Variants in FHIT observed in about 807,000 individuals in gnomAD.
The protein encoded by FHIT is fragile histidine triad diadenosine triphosphatase.
Under a neutral mutation model 17.9 loss-of-function variants are expected in FHIT, and 19 were observed. The observed-to-expected ratio is 1.06, with a 90% CI of 0.74 to 1.56. The LOEUF is 1.56. FHIT is among the 40% of genes most tolerant of loss of function. The probability of loss-of-function intolerance (pLI) is 0.00; values close to 1 mark genes in which losing one functional copy is unlikely to be tolerated. For missense variants in FHIT, 248 were observed against 189.2 expected (o/e 1.31, Z -1.82); for synonymous variants, 81 against 69.7 (o/e 1.16, Z -0.81).
intron 5 of FHIT, among the ~76,000 whole-genome samples, chr3:60,371,032 T>G (rs1015130432): frequency 6.6e-6 from 1 of 152,174 alleles, no homozygotes; most frequent in African/African-American, 2.4e-5. Context: ...CCTAAGCCGT[T>G]TGCACAAGGC....
chr3:60,633,576 C>T (rs1381545229), intron 4 of FHIT, among the ~76,000 whole-genome samples: 1 of 152,080 alleles, frequency 6.6e-6, no homozygotes, highest in Non-Finnish European at 1.5e-5. Context: ...ATATAAGGAG[C>T]CAAATAAAAG....
chr3:61,218,853 C>G (rs1187986252), intron 1 of FHIT, among the ~76,000 whole-genome samples: 1 of 152,172 alleles, frequency 6.6e-6, no homozygotes, highest in Non-Finnish European at 1.5e-5. Context: ...ACCAACCCCA[C>G]CTTACTCACA....
chr3:60,654,126 C>CCCCTCT (rs71092624), intron 4 of FHIT, among the ~76,000 whole-genome samples: 2 of 151,642 alleles, frequency 1.3e-5, no homozygotes, highest in Admixed American at 6.6e-5. Context: ...CTTCCCCTTC[C>CCCCTCT]GCCATAATTG....
At chr3:60,569,880 C>A (rs1260395881) in intron 4 of FHIT, among the ~76,000 whole-genome samples, 6 of 150,712 alleles carry the variant, frequency 4.0e-5, no homozygotes, top group Non-Finnish European at 7.4e-5. Flanking sequence ...TATATAGCTG[C>A]TTTATTGAGA....
At chr3:59,938,469 A>G (rs1045982794) in intron 7 of FHIT, among the ~76,000 whole-genome samples, 2 of 152,150 alleles carry the variant, frequency 1.3e-5, no homozygotes, top group African/African-American at 4.8e-5. Flanking sequence ...GAACCAGTCT[A>G]GAGATCTAAC....
At chr3:59,775,854 A>C (rs747636595) in intron 8 of FHIT, among the ~76,000 whole-genome samples, 7 of 152,198 alleles carry the variant, frequency 4.6e-5, no homozygotes, top group Non-Finnish European at 7.3e-5. Flanking sequence ...AGATTAGGAT[A>C]AATCTAATTA....
chr3:61,167,791 T>C (rs2037885807), intron 2 of FHIT, among the ~76,000 whole-genome samples: 1 of 152,104 alleles, frequency 6.6e-6, no homozygotes, highest in Non-Finnish European at 1.5e-5. Flanking sequence ...ATTCAATGTT[T>C]TTGGAGGCCC....
chr3:60,317,327 AT>A (rs1201657760), intron 5 of FHIT, among the ~76,000 whole-genome samples: 1 of 151,814 alleles, frequency 6.6e-6, no homozygotes, highest in Non-Finnish European at 1.5e-5. Context: ...TGGACTGACA[AT>A]TGTTATCTTT....
intron 8 of FHIT, among the ~76,000 whole-genome samples, chr3:59,791,394 T>C (rs1422071547): frequency 4.6e-5 from 7 of 152,210 alleles, no homozygotes; most frequent in Non-Finnish European, 1.0e-4. Flanking sequence ...GCTGCTGGTG[T>C]TCGCATTACC....
chr3:59,894,672 C>T (rs17061392), intron 8 of FHIT, among the ~76,000 whole-genome samples: 1,648 of 152,064 alleles, frequency 0.011, 37 homozygotes, highest in African/African-American at 0.037. Context: ...ATGTTTGGAC[C>T]GTGAAAGATC....
At chr3:61,194,890 A>G (rs1175225753) in intron 2 of FHIT, among the ~76,000 whole-genome samples, 1 of 152,082 alleles carries the variant, frequency 6.6e-6, no homozygotes, top group African/African-American at 2.4e-5. Context: ...AAGTATTATT[A>G]TTATAGTTCT....
intron 3 of FHIT, among the ~76,000 whole-genome samples, chr3:60,985,011 T>G (rs182892834): frequency 3.9e-5 from 6 of 152,250 alleles, no homozygotes; most frequent in African/African-American, 1.2e-4. Flanking sequence ...ATTCAGGCAA[T>G]GGTGAGAATC....
intron 3 of FHIT, among the ~76,000 whole-genome samples, chr3:60,860,153 T>C (rs28715912): frequency 0.19 from 12,699 of 65,812 alleles, 1,824 homozygotes; most frequent in South Asian, 0.25. Flanking sequence ...ATATGGTATA[T>C]ATGATATACA....
chr3:60,699,516 CA>C (rs2041190181), intron 4 of FHIT, among the ~76,000 whole-genome samples: 1 of 152,122 alleles, frequency 6.6e-6, no homozygotes, highest in South Asian at 2.1e-4. Context: ...CTTTGTGAAT[CA>C]TTATTCAGAT....
At chr3:60,232,937 A>G (rs1292250248) in intron 5 of FHIT, among the ~76,000 whole-genome samples, 1 of 152,190 alleles carries the variant, frequency 6.6e-6, no homozygotes. Flanking sequence ...TAATGATACT[A>G]TGGCTATAGT....
chr3:60,774,958 G>A (rs1559712469), intron 4 of FHIT, among the ~76,000 whole-genome samples: 1 of 152,152 alleles, frequency 6.6e-6, no homozygotes, highest in African/African-American at 2.4e-5. Context: ...TTGACCACAG[G>A]TAACTAAAAC....
At chr3:60,808,951 T>G (rs1038693678) in intron 4 of FHIT, among the ~76,000 whole-genome samples, 1 of 152,148 alleles carries the variant, frequency 6.6e-6, no homozygotes, top group Non-Finnish European at 1.5e-5. Context: ...CACGAAACAG[T>G]TTTTGTATGT....
chr3:60,214,967 GA>G (rs1036034734), intron 5 of FHIT, among the ~76,000 whole-genome samples: 1 of 151,970 alleles, frequency 6.6e-6, no homozygotes, highest in Non-Finnish European at 1.5e-5. Context: ...GCTAAACATT[GA>G]ATACATATAG....
chr3:61,054,906 C>T (rs1288120279), intron 2 of FHIT, among the ~76,000 whole-genome samples: 3 of 152,160 alleles, frequency 2.0e-5, no homozygotes, highest in East Asian at 3.8e-4. Flanking sequence ...TTCAGACCCC[C>T]TTGTACATGC....
Sources: allele counts gnomAD v4.1 joint callset (sites outside exome capture counted in the v4.1 genomes callset), GRCh38; gene constraint gnomAD v4.1.1; transcripts MANE v1.5; gene names NCBI Gene and HGNC (gene_info 2026-07-23, HGNC 2026-07-21).